SLC1A2: variants seen among roughly 807,000 people sequenced by gnomAD.
The protein encoded by SLC1A2 is excitatory amino acid transporter 2.
A neutral mutation model predicts 48.8 loss-of-function variants in SLC1A2; 15 were observed. The observed-to-expected ratio is 0.31, with a 90% CI of 0.21 to 0.47. The LOEUF is 0.47. SLC1A2 is among the 20% of genes least tolerant of loss of function. The pLI is 0.99. For missense variants in SLC1A2, 502 were observed against 730.5 expected, an observed-to-expected ratio of 0.69 and a Z score of 3.61; for synonymous variants, 279 against 272.6, an observed-to-expected ratio of 1.02 and a Z score of -0.23.
At position 35,419,151 on chromosome 11, in the gene SLC1A2, G is replaced by A; in HGVS notation, c.-185C>T. 2 of 487,114 alleles carry A rather than the reference G, an allele frequency of 4.1e-6. No homozygotes were observed. The highest frequency in any genetic ancestry group is 7.3e-6 in the Non-Finnish European group (2 of 275,436). 30.2% of individuals were successfully genotyped at this position (487,114 alleles called of 1,614,324 possible). ...CAACGGGCGCAGGAGGCTCCTGCGGGCGCTAATCCGCGTCCCGGCTCTCCA... is the reference window on the plus strand; with the variant it reads ...CAACGGGCGCAGGAGGCTCCTGCGGACGCTAATCCGCGTCCCGGCTCTCCA... On this transcript the variant is annotated 5_prime_UTR_variant, in exon 1 of 11. Coordinates refer to ENST00000278379, the MANE Select transcript of SLC1A2 (RefSeq NM_004171.4). The surrounding 1 kb of genome is among the most constrained non-coding windows in gnomAD (Gnocchi z 5.4).
chr11:35,416,400 A>G (rs1417976345), intron 1 of SLC1A2, among the ~76,000 whole-genome samples: 1 of 152,224 alleles, frequency 6.6e-6, no homozygotes, highest in Non-Finnish European at 1.5e-5. Flanking sequence ...CTTAAAGTCT[A>G]TTTTTGTTGG....
intron 1 of SLC1A2, among the ~76,000 whole-genome samples, chr11:35,398,714 C>T (rs1855048595): frequency 6.6e-6 from 1 of 152,144 alleles, no homozygotes; most frequent in African/African-American, 2.4e-5. Context: ...ATCAAGGAAA[C>T]ACAGCCCAAA....
Position 35,254,666 on chromosome 11 carries a change from G to A in SLC1A2, c.*6228C>T, listed in dbSNP as rs1950289297. The A allele has an allele frequency of 2.5e-6, 1 of 406,906 alleles. No individual in the cohort carries two copies. The highest frequency in any genetic ancestry group is 4.8e-6 in the Non-Finnish European group (1 of 207,878). The allele number at this position is 406,906 out of a possible 1,614,324, so 25.2% of individuals were successfully genotyped here. A position where few individuals can be genotyped will look rare whatever the true frequency, so the allele number is the denominator to read the frequency against. On this transcript the variant is annotated 3_prime_UTR_variant, in exon 11 of 11. Coordinates refer to ENST00000278379, the MANE Select transcript of SLC1A2 (RefSeq NM_004171.4). ...TGACAAGGCTAACAGTCAGTTGTCA[G>A]GTTTCAACACTCACCCAAGGATTGG...
intron 1 of SLC1A2, among the ~76,000 whole-genome samples, chr11:35,367,189 C>G (rs893710442): frequency 6.6e-6 from 1 of 152,212 alleles, no homozygotes; most frequent in Non-Finnish European, 1.5e-5. Context: ...TTGTGCAGTG[C>G]CAGGGCATTG....
chr11:35,326,095 A>T (rs995290889), intron 1 of SLC1A2, among the ~76,000 whole-genome samples: 2 of 151,898 alleles, frequency 1.3e-5, no homozygotes, highest in African/African-American at 4.8e-5. Context: ...CTGACCAAGG[A>T]TGGTGGCCTC....
intron 1 of SLC1A2, among the ~76,000 whole-genome samples, chr11:35,375,109 G>C (rs1456846835): frequency 6.6e-6 from 1 of 152,152 alleles, no homozygotes; most frequent in African/African-American, 2.4e-5. Context: ...CTTACTGTAT[G>C]ACTATTTGTG....
intron 1 of SLC1A2, among the ~76,000 whole-genome samples, chr11:35,398,073 G>C (rs929542031): frequency 6.6e-6 from 1 of 152,126 alleles, no homozygotes; most frequent in African/African-American, 2.4e-5. Flanking sequence ...CTTTGACTGT[G>C]GTCCTCAGGA....
At chr11:35,304,770 T>C (rs1057287502) in intron 5 of SLC1A2, among the ~76,000 whole-genome samples, 1 of 152,132 alleles carries the variant, frequency 6.6e-6, no homozygotes, top group East Asian at 1.9e-4. Context: ...CAAACAAACA[T>C]GACACTCAAT....
chr11:35,344,513 C>T (rs1852958186), intron 1 of SLC1A2, among the ~76,000 whole-genome samples: 1 of 152,166 alleles, frequency 6.6e-6, no homozygotes, highest in South Asian at 2.1e-4. Flanking sequence ...TTATGGAACT[C>T]TCCCCCTGAA....
At chr11:35,343,528 C>T (rs1264405696) in intron 1 of SLC1A2, among the ~76,000 whole-genome samples, 1 of 152,092 alleles carries the variant, frequency 6.6e-6, no homozygotes, top group East Asian at 1.9e-4. Context: ...ACACACACTC[C>T]CCTTTCTTGA....
Position 35,306,460 on chromosome 11 carries a change from G to A in SLC1A2, c.562-218C>T, listed in dbSNP as rs149423226. On this transcript the variant is annotated intron_variant, in intron 4 of 10. Transcript: ENST00000278379. ...GTGAGATACAATTGTCCTAATCACA[G>A]ATAATTACACAATTTTTTATTTGTG... Among the ~76,000 whole-genome samples the A allele has an allele frequency of 1.1e-4, 16 of 152,266 alleles. No homozygotes were observed. The East Asian group carries it at 2.7e-3, about 26-fold the overall frequency.
chr11:35,397,891 C>A (rs1200853706), intron 1 of SLC1A2, among the ~76,000 whole-genome samples: 2 of 152,172 alleles, frequency 1.3e-5, no homozygotes. Flanking sequence ...TTTAAGCCAC[C>A]CAGTTTATGG....
chr11:35,300,103 T>G (rs113153975), intron 6 of SLC1A2, among the ~76,000 whole-genome samples: 3,894 of 152,210 alleles, frequency 0.026, 77 homozygotes, highest in Non-Finnish European at 0.04. Context: ...TCTCCTAGGC[T>G]CCCCTAGATT....
rs1455307212 is a variant in SLC1A2 at position 35,396,887 on chromosome 11, C to G, written c.17+22063G>C. Reference sequence around the variant, plus strand: ...CAAGCATTCTTATACACCAACAACACACAAACAGAGAGCCAAATCATGAGT... The same window carrying G: ...CAAGCATTCTTATACACCAACAACAGACAAACAGAGAGCCAAATCATGAGT... On this transcript the variant is annotated intron_variant, in intron 1 of 10. Coordinates refer to ENST00000278379, the MANE Select transcript of SLC1A2 (RefSeq NM_004171.4). Among the ~76,000 whole-genome samples the G allele has an allele frequency of 2.7e-4, 41 of 151,616 alleles. 1 individual carries two copies. The South Asian group carries it at 5.5e-3, about 20-fold the overall frequency.
At chr11:35,357,901 G>C (rs2756223) in intron 1 of SLC1A2, among the ~76,000 whole-genome samples, 117,445 of 152,154 alleles carry the variant, frequency 0.77, 46,015 homozygotes, top group East Asian at 0.92. Flanking sequence ...AATCCCAGCG[G>C]TTTGGGAGGC....
In SLC1A2 at chr11:35,260,890, A is replaced by G. The variant is rs1377558748; in HGVS notation, c.*4T>C. On this transcript the variant is annotated 3_prime_UTR_variant, in exon 11 of 11. Coordinates refer to ENST00000278379, the MANE Select transcript of SLC1A2 (RefSeq NM_004171.4). The stretch of plus-strand genomic sequence containing the variant: ...TATTCAAGAATTTGCTGAGACTCAT[A>G]TCCTTATTTCTCACGTTTCCAAGGT... The G allele has an allele frequency of 1.2e-6, 2 of 1,606,536 alleles. No individual in the cohort carries two copies. The highest frequency in any genetic ancestry group is 1.7e-5 in the Admixed American group (1 of 60,016).
chr11:35,385,645 A>C (rs1173161979), intron 1 of SLC1A2, among the ~76,000 whole-genome samples: 1 of 152,136 alleles, frequency 6.6e-6, no homozygotes, highest in Non-Finnish European at 1.5e-5. Flanking sequence ...ATCTTTCCCC[A>C]AGATGTGCTA....
At chr11:35,280,604 A>T in intron 9 of SLC1A2, 1 of 412,084 alleles carries the variant, frequency 2.4e-6, no homozygotes, top group Non-Finnish European at 4.3e-6. Context: ...ATGCATCAGT[A>T]GCTGGTTCCT....
rs1851737183 is a variant in SLC1A2 at position 35,312,424 on chromosome 11, G to A, written c.335C>T (p.Ala112Val). 1 of 1,613,990 alleles carries A rather than the reference G, an allele frequency of 6.2e-7. No homozygotes were observed. Among genetic ancestry groups the A allele is most frequent in the Admixed American group, 1.7e-5 (1 of 60,004 alleles). The change falls in exon 4 of 11, where the codon GCT becomes GTT. Residue 112 changes from alanine (A) to valine (V), a missense_variant. This residue lies in a region of SLC1A2 where 2 missense variants were observed against 23.3 expected (regional missense o/e 0.09). Transcript: ENST00000278379. ...ITGLSGLDAK[A>V]SGRLGTRAMV... Reference sequence around the variant, plus strand: ...GGCTCTCGTGCCCAAGCGGCCACTAGCCTTAGCATCCAGGCCTGACAACCC... The same window carrying A: ...GGCTCTCGTGCCCAAGCGGCCACTAACCTTAGCATCCAGGCCTGACAACCC...
Sources: gnomAD v4.1 joint callset for allele counts (sites outside exome capture counted in the v4.1 genomes callset) on GRCh38, gnomAD v4.1.1 for gene constraint, gnomAD v4.1.1 regional missense constraint, Gnocchi (gnomAD v3.1) non-coding constraint, MANE v1.5 for transcripts, NCBI Gene and HGNC (gene_info 2026-07-23, HGNC 2026-07-21) for gene names.